RTL4: variants seen among roughly 807,000 people sequenced by gnomAD.
The protein encoded by RTL4 is retrotransposon Gag-like protein 4.
RTL4 carries 4 observed loss-of-function variants against 5.3 expected under a neutral mutation model. The ratio of observed to expected loss-of-function variants is 0.75; its 90% CI spans 0.37 to 1.72. The LOEUF (loss-of-function observed/expected upper bound fraction) is 1.72, where lower values mean the gene tolerates loss of function less well. RTL4 is among the 40% of genes most tolerant of loss of function. The pLI is 0.04. For synonymous variants in RTL4, 98 were observed against 87.3 expected, an observed-to-expected ratio of 1.12 and a Z score of -0.68; for missense variants, 260 against 227.1, an observed-to-expected ratio of 1.14 and a Z score of -0.93.
At chrX:112,314,363 G>C in the RTL4 span, among the ~76,000 whole-genome samples, 1 of 109,467 alleles carries the variant, frequency 9.1e-6, no homozygotes, top group Admixed American at 1.0e-4. Context: ...GAACTTTTTG[G>C]TCCTGGGAGT....
At chrX:112,113,371 T>C in the RTL4 span, among the ~76,000 whole-genome samples, 2 of 111,490 alleles carry the variant, frequency 1.8e-5, no homozygotes, top group African/African-American at 6.5e-5. Flanking sequence ...CTTTCAGGCA[T>C]AATGAGAAAG....
chrX:112,208,021 C>T, the RTL4 span, among the ~76,000 whole-genome samples: 1 of 111,557 alleles, frequency 9.0e-6, no homozygotes, highest in Non-Finnish European at 1.9e-5. Context: ...AGATATTAGA[C>T]CAGGGCATTG....
chrX:112,234,685 G>A, the RTL4 span, among the ~76,000 whole-genome samples: 3 of 112,008 alleles, frequency 2.7e-5, no homozygotes, highest in South Asian at 3.8e-4. Context: ...AATGAGTAGC[G>A]GTAGAGAAGC....
At chrX:112,150,318 G>A in the RTL4 span, among the ~76,000 whole-genome samples, 1 of 111,592 alleles carries the variant, frequency 9.0e-6, no homozygotes, top group Admixed American at 9.5e-5. Context: ...GAGAAGACAG[G>A]AATCTTAAAG....
chrX:112,370,456 A>G, the RTL4 span, among the ~76,000 whole-genome samples: 2 of 112,182 alleles, frequency 1.8e-5, no homozygotes, highest in African/African-American at 3.2e-5. Context: ...CCAGGCTAAT[A>G]TAATGATTGT....
the RTL4 span, among the ~76,000 whole-genome samples, chrX:112,425,834 C>A: frequency 9.0e-6 from 1 of 111,624 alleles, no homozygotes. Context: ...GGACAACAGT[C>A]CTTTATCAGC....
chrX:112,102,314 C>T, the RTL4 span, among the ~76,000 whole-genome samples: 1 of 111,319 alleles, frequency 9.0e-6, no homozygotes, highest in South Asian at 3.7e-4. Flanking sequence ...CATGTAACTT[C>T]CTATCTTATA....
chrX:112,368,691 T>C, the RTL4 span, among the ~76,000 whole-genome samples: 87 of 111,232 alleles, frequency 7.8e-4, 1 homozygote, highest in African/African-American at 2.7e-3. Flanking sequence ...ACCAAGGCTA[T>C]AAAATCTTGG....
At chrX:112,213,432 C>A in the RTL4 span, among the ~76,000 whole-genome samples, 189 of 112,596 alleles carry the variant, frequency 1.7e-3, 2 homozygotes, top group Non-Finnish European at 1.4e-3. Flanking sequence ...TTATCAAAAT[C>A]TCTGATCCAG....
chrX:112,455,695 A>C (rs776586255), exon 1 of RTL4: 5 of 1,137,463 alleles, frequency 4.4e-6, no homozygotes, highest in South Asian at 2.1e-5. Flanking sequence ...TTAAACTTAC[A>C]TCCCAGCCTT....
the RTL4 span, among the ~76,000 whole-genome samples, chrX:112,330,694 G>T: frequency 1.8e-5 from 2 of 111,127 alleles, no homozygotes; most frequent in African/African-American, 6.6e-5. Context: ...AGCCCGCATC[G>T]CCAAGTCAAT....
chrX:112,322,514 A>G, the RTL4 span, among the ~76,000 whole-genome samples: 1 of 111,444 alleles, frequency 9.0e-6, no homozygotes, highest in African/African-American at 3.3e-5. Context: ...GTCTCATTTC[A>G]GCCTTAATGT....
the RTL4 span, among the ~76,000 whole-genome samples, chrX:112,214,889 T>A: frequency 9.1e-6 from 1 of 109,828 alleles, no homozygotes; most frequent in Non-Finnish European, 1.9e-5. Context: ...CCCACATTCA[T>A]GCCATTCTCC....
chrX:112,318,722 G>A, the RTL4 span, among the ~76,000 whole-genome samples: 1 of 111,118 alleles, frequency 9.0e-6, no homozygotes, highest in Admixed American at 9.6e-5. Flanking sequence ...AAACATTATA[G>A]ATGATGGAAT....
the RTL4 span, among the ~76,000 whole-genome samples, chrX:112,187,707 C>G: frequency 1.0e-3 from 112 of 111,493 alleles, no homozygotes; most frequent in African/African-American, 3.5e-3. Context: ...AATATATCCC[C>G]CAGCCATGGT....
At chrX:112,113,447 T>G in the RTL4 span, among the ~76,000 whole-genome samples, 2 of 111,867 alleles carry the variant, frequency 1.8e-5, no homozygotes, top group Non-Finnish European at 3.8e-5. Flanking sequence ...TGGTTACAGC[T>G]ATCCCAGGAT....
chrX:112,202,537 CATTATTATTATT>C, the RTL4 span, among the ~76,000 whole-genome samples: 1,270 of 97,132 alleles, frequency 0.013, 25 homozygotes, highest in African/African-American at 0.043. Context: ...TAGTTTTATT[CATTATTATTATT>C]ATTATTATTA....
At chrX:112,381,719 A>G in the RTL4 span, 1 of 1,201,205 alleles carries the variant, frequency 8.3e-7, no homozygotes, top group South Asian at 1.8e-5. Flanking sequence ...AATGAGGGAC[A>G]TTGCTATATT....
the RTL4 span, among the ~76,000 whole-genome samples, chrX:112,117,556 T>A: frequency 9.0e-6 from 1 of 111,096 alleles, no homozygotes; most frequent in African/African-American, 3.3e-5. Context: ...AATAAGCAAT[T>A]CACAAGAAAG....
Sources: gnomAD v4.1 joint callset for allele counts (sites outside exome capture counted in the v4.1 genomes callset) on GRCh38, gnomAD v4.1.1 for gene constraint, MANE v1.5 for transcripts, NCBI Gene and HGNC (gene_info 2026-07-23, HGNC 2026-07-21) for gene names.